MICU1: variants seen among roughly 807,000 people sequenced by gnomAD.
MICU1 encodes the protein calcium uptake protein 1, mitochondrial.
MICU1 carries 45 observed loss-of-function variants against 56.8 expected under a neutral mutation model. The observed-to-expected ratio is 0.79, with a 90% CI of 0.62 to 1.02. The LOEUF (loss-of-function observed/expected upper bound fraction) is 1.02. Ranked by LOEUF, MICU1 falls within the 50% of genes least tolerant of loss-of-function variation. The pLI is 0.00. For missense variants in MICU1, 504 were observed against 587.1 expected, an observed-to-expected ratio of 0.86 and a Z score of 1.46; for synonymous variants, 186 against 195.1, an observed-to-expected ratio of 0.95 and a Z score of 0.39.
chr10:72,423,205 C>A, intron 9 of MICU1, 29 bp downstream of exon 9: 2 of 1,604,876 alleles, frequency 1.2e-6, no homozygotes, highest in Non-Finnish European at 1.7e-6. Context: ...ACCACGGTTT[C>A]TCTTCTTCCT....
chr10:72,392,067 T>C (rs1474553203), intron 10 of MICU1: 1 of 152,250 alleles, frequency 6.6e-6, no homozygotes, highest in Non-Finnish European at 1.5e-5. Context: ...GTTCCATATT[T>C]TGATGATGAT....
At chr10:72,604,326 C>A (rs888401084) in intron 1 of MICU1, among the ~76,000 whole-genome samples, 3 of 127,646 alleles carry the variant, frequency 2.4e-5, no homozygotes, top group Admixed American at 7.9e-5. Flanking sequence ...CAGGCTGCAG[C>A]GCAATGTTGT....
chr10:72,429,754 G>A (rs968775057), intron 8 of MICU1, among the ~76,000 whole-genome samples: 1 of 152,174 alleles, frequency 6.6e-6, no homozygotes, highest in South Asian at 2.1e-4. Flanking sequence ...TATAAGGATA[G>A]TCTTGAGAAT....
At chr10:72,549,775 T>C (rs761030152) in intron 4 of MICU1, among the ~76,000 whole-genome samples, 5 of 151,780 alleles carry the variant, frequency 3.3e-5, no homozygotes, top group Non-Finnish European at 7.4e-5. Flanking sequence ...TACTAAAAAA[T>C]ACAAAATTAG....
intron 1 of MICU1, among the ~76,000 whole-genome samples, chr10:72,614,078 G>A (rs535192764): frequency 4.3e-4 from 66 of 152,226 alleles, no homozygotes; most frequent in African/African-American, 1.5e-3. Context: ...AGGAGGCAGA[G>A]GTTGCAGTGA....
At chr10:72,378,302 G>GT (rs988686544) in intron 10 of MICU1, among the ~76,000 whole-genome samples, 8 of 152,194 alleles carry the variant, frequency 5.3e-5, no homozygotes, top group Admixed American at 2.0e-4. Flanking sequence ...AAAACAAATG[G>GT]TAATCCCCAG....
chr10:72,532,305 G>A lies in MICU1; in HGVS notation c.537+1441C>T, dbSNP rs552077742. Among the ~76,000 whole-genome samples, 318 of 151,384 alleles carry A rather than the reference G, an allele frequency of 2.1e-3. 2 individuals carry two copies. The highest frequency in any genetic ancestry group is 7.2e-3 in the African/African-American group (295 of 41,250). ...TGCACTCCAGCCCAGGCGACAGAGC[G>A]AGACTCCATCTCAAAAAAAAAAAAG... On this transcript the variant is annotated intron_variant, in intron 5 of 11. Coordinates refer to ENST00000361114, the MANE Select transcript of MICU1 (RefSeq NM_001195518.2).
At chr10:72,525,410 G>T (rs903448229) in intron 5 of MICU1, among the ~76,000 whole-genome samples, 2 of 152,126 alleles carry the variant, frequency 1.3e-5, no homozygotes, top group Admixed American at 1.3e-4. Context: ...CCTACAGCTG[G>T]AACTTATGTG....
chr10:72,544,013 G>A (rs932837149), intron 4 of MICU1, among the ~76,000 whole-genome samples: 1 of 152,194 alleles, frequency 6.6e-6, no homozygotes, highest in Non-Finnish European at 1.5e-5. Flanking sequence ...GCTCGGCGCT[G>A]TGCCCTGGGC....
At chr10:72,616,790 G>T (rs192569031) in intron 1 of MICU1, among the ~76,000 whole-genome samples, 1 of 152,248 alleles carries the variant, frequency 6.6e-6, no homozygotes, top group African/African-American at 2.4e-5. Flanking sequence ...ACTTGAGACG[G>T]ATCCTCTGTA....
At chr10:72,485,232 CGTTTTGTTTT>C (rs5786080) in intron 6 of MICU1, among the ~76,000 whole-genome samples, 3,990 of 150,352 alleles carry the variant, frequency 0.027, 78 homozygotes, top group Admixed American at 0.039. Context: ...TTTAAATAAT[CGTTTTGTTTT>C]GTTTTGTTTT....
intron 10 of MICU1, among the ~76,000 whole-genome samples, chr10:72,391,122 C>T (rs1275149779): frequency 6.8e-6 from 1 of 146,400 alleles, no homozygotes; most frequent in African/African-American, 2.4e-5. Context: ...ATGGATTCAA[C>T]CAGCTGCAGA....
intron 6 of MICU1, among the ~76,000 whole-genome samples, chr10:72,496,560 C>T (rs1280040059): frequency 1.3e-5 from 2 of 152,038 alleles, no homozygotes; most frequent in African/African-American, 2.4e-5. Flanking sequence ...CCTTCACCTC[C>T]CAAAGTGCTG....
chr10:72,605,207 C>T (rs550869834), intron 1 of MICU1, among the ~76,000 whole-genome samples: 4 of 152,120 alleles, frequency 2.6e-5, no homozygotes, highest in Non-Finnish European at 5.9e-5. Flanking sequence ...CTAATTATAA[C>T]GCATTAGCAT....
intron 10 of MICU1, among the ~76,000 whole-genome samples, chr10:72,400,022 C>G (rs1458080733): frequency 6.6e-6 from 1 of 152,108 alleles, no homozygotes; most frequent in Non-Finnish European, 1.5e-5. Flanking sequence ...TTCCCCCTTC[C>G]AACTCAGTAC....
At chr10:72,602,063 G>C (rs556907166) in intron 1 of MICU1, among the ~76,000 whole-genome samples, 8 of 151,648 alleles carry the variant, frequency 5.3e-5, no homozygotes, top group Non-Finnish European at 7.4e-5. Context: ...CTCCCAAAGT[G>C]CTGGGATTAC....
intron 1 of MICU1, among the ~76,000 whole-genome samples, chr10:72,585,706 T>G (rs1195324705): frequency 6.6e-6 from 1 of 152,200 alleles, no homozygotes; most frequent in East Asian, 1.9e-4. Flanking sequence ...TAAACAATTC[T>G]TACTATAGGG....
intron 10 of MICU1, among the ~76,000 whole-genome samples, chr10:72,397,185 C>T (rs1467297820): frequency 6.6e-6 from 1 of 152,146 alleles, no homozygotes. Context: ...CCAAACTAAG[C>T]TTCATAAGTG....
chr10:72,470,047 T>C (rs913938414), intron 8 of MICU1, among the ~76,000 whole-genome samples: 3 of 152,198 alleles, frequency 2.0e-5, no homozygotes, highest in Admixed American at 2.0e-4. Flanking sequence ...GACATCAACG[T>C]AGGAATTTTG....
Sources: gnomAD v4.1 joint callset for allele counts (sites outside exome capture counted in the v4.1 genomes callset) on GRCh38, gnomAD v4.1.1 for gene constraint, MANE v1.5 for transcripts, NCBI Gene and HGNC (gene_info 2026-07-23, HGNC 2026-07-21) for gene names.